The following FHAD1 variants were observed in gnomAD, a reference collection of about 807,000 sequenced individuals.
FHAD1 encodes forkhead associated phosphopeptide binding domain 1, also known as forkhead-associated domain-containing protein 1.
A neutral mutation model predicts 191.3 loss-of-function variants in FHAD1; 146 were observed. That is an observed-to-expected ratio of 0.76 (90% CI 0.67 to 0.88). FHAD1 has a LOEUF of 0.88. Among genes scored for constraint, FHAD1 ranks in the 40% least tolerant of loss-of-function variants. The probability of loss-of-function intolerance (pLI) is 0.00; values close to 1 mark genes in which losing one functional copy is unlikely to be tolerated. For synonymous variants in FHAD1, 616 were observed against 672.3 expected, an observed-to-expected ratio of 0.92 and a Z score of 1.29; for missense variants, 1,635 against 1,785.8, an observed-to-expected ratio of 0.92 and a Z score of 1.52.
chr1:15,361,815 G>A (rs1263802087), intron 22 of FHAD1, among the ~76,000 whole-genome samples: 1 of 151,946 alleles, frequency 6.6e-6, no homozygotes, highest in South Asian at 2.1e-4. Flanking sequence ...GACCATCCTG[G>A]CCAACATGGT....
chr1:15,344,102 A>G (rs1266451051), intron 16 of FHAD1, among the ~76,000 whole-genome samples: 1 of 152,228 alleles, frequency 6.6e-6, no homozygotes, highest in African/African-American at 2.4e-5. Flanking sequence ...GGTCCCTGCC[A>G]GACAGACTGT....
At chr1:15,343,239 G>A (rs372584706) in intron 16 of FHAD1, among the ~76,000 whole-genome samples, 32 of 152,224 alleles carry the variant, frequency 2.1e-4, no homozygotes, top group Middle Eastern at 6.8e-3. Context: ...TGGGGTGAGG[G>A]TGTGGCCCCT....
At chr1:15,359,146 G>C (rs935183323) in intron 21 of FHAD1, among the ~76,000 whole-genome samples, 1 of 152,106 alleles carries the variant, frequency 6.6e-6, no homozygotes, top group African/African-American at 2.4e-5. Flanking sequence ...ATGGTGGGGG[G>C]TTCTCTTGGA....
At chr1:15,351,953 A>G (rs2102475644) in intron 19 of FHAD1, among the ~76,000 whole-genome samples, 1 of 152,324 alleles carries the variant, frequency 6.6e-6, no homozygotes, top group South Asian at 2.1e-4. Context: ...CTCGAGTCTC[A>G]TACTGTCCCT....
At chr1:15,368,574 G>A (rs1034968883) in intron 25 of FHAD1, among the ~76,000 whole-genome samples, 1 of 152,186 alleles carries the variant, frequency 6.6e-6, no homozygotes, top group African/African-American at 2.4e-5. Context: ...GTAGCTTTGT[G>A]TGCCTCGTGG....
intron 10 of FHAD1, 145 bp from the exon 11 acceptor site, chr1:15,324,307 G>T (rs1374532469): frequency 3.0e-6 from 2 of 660,712 alleles, no homozygotes; most frequent in Non-Finnish European, 2.7e-6. Context: ...TCCACCCCGC[G>T]CACGCCTGTG....
At chr1:15,371,106 G>A (rs1214593126) in intron 26 of FHAD1, among the ~76,000 whole-genome samples, 2 of 152,204 alleles carry the variant, frequency 1.3e-5, no homozygotes, top group African/African-American at 4.8e-5. Context: ...AGCTCCGTGG[G>A]GCAGGGGGTG....
chr1:15,358,071 C>A, intron 20 of FHAD1, 39 bp from the exon 21 acceptor site: 1 of 1,420,072 alleles, frequency 7.0e-7, no homozygotes, highest in East Asian at 2.5e-5. Flanking sequence ...ATATGTATTC[C>A]TGAATGTCTG....
rs1227656002 is a variant in FHAD1 at position 15,328,336 on chromosome 1, G to A, written c.1617G>A (p.Trp539Ter). ...ACATCAATTTTCAGCAGAAAAAGTG[G>A]ACCCTCCAGAAAGAGACCCAGCTGA... ...EDNINFQQKK[W>*]TLQKETQLSN... Residue 539 changes from tryptophan to a stop codon, truncating the protein, a stop_gained, in exon 13 of 34, where the codon TGG becomes TGA. Transcript: ENST00000688493. LOFTEE classifies it high-confidence loss of function. 1 of 1,546,476 alleles carries A rather than the reference G, an allele frequency of 6.5e-7. No homozygotes were observed. Among genetic ancestry groups the A allele is most frequent in the Admixed American group, 2.0e-5 (1 of 50,208 alleles).
At chr1:15,275,248 C>T (rs1657879746) in intron 3 of FHAD1, among the ~76,000 whole-genome samples, 1 of 152,142 alleles carries the variant, frequency 6.6e-6, no homozygotes, top group Admixed American at 6.5e-5. Flanking sequence ...AGGCGTGAGC[C>T]ACCGCGCCTG....
Position 15,361,188 on chromosome 1 carries a change from C to G in FHAD1, c.2962+485C>G, listed in dbSNP as rs80208792. Among the ~76,000 whole-genome samples the G allele has an allele frequency of 3.9e-3, 588 of 152,270 alleles. 4 individuals are homozygous for G. The highest frequency in any genetic ancestry group is 0.013 in the African/African-American group (555 of 41,524). ...ATTTGCCCCAAATGGCCAAGGTAAG[C>G]TGTATTATTGTAAGCTCTTGAAGAA... On this transcript the variant is annotated intron_variant, in intron 22 of 33. Coordinates refer to ENST00000688493, the MANE Select transcript of FHAD1 (RefSeq NM_001391957.1).
rs376640150 is a variant in FHAD1, at chr1:15,296,725, G to A, written c.610G>A (p.Glu204Lys). ...AMKLSEKSVAEGIPGAVPPAE... is the reference protein window; with the variant it reads ...AMKLSEKSVAKGIPGAVPPAE... ...GAAACTGTCAGAAAAATCAGTGGCC[G>A]AGGGGATTCCTGGGGCAGTTCCCCC... is the stretch of plus-strand genomic sequence containing the variant. The change falls in exon 5 of 34, where the codon GAG becomes AAG. Residue 204 changes from glutamate (E) to lysine (K), a missense_variant. Glu to Lys is a moderately conservative substitution (Grantham distance 56, BLOSUM62 1). Transcript: ENST00000688493. 161 of 1,551,956 alleles carry A rather than the reference G, an allele frequency of 1.0e-4. No homozygotes were observed. The highest frequency in any genetic ancestry group is 1.3e-4 in the Non-Finnish European group (147 of 1,147,112).
Position 15,328,682 on chromosome 1 carries a change from A to G in FHAD1, c.1710+253A>G, listed in dbSNP as rs1232867104. 23 of 345,198 alleles carry G rather than the reference A, an allele frequency of 6.7e-5. 1 individual carries two copies. The Admixed American group carries it at 7.6e-4, about 11-fold the overall frequency. The allele number at this position is 345,198 out of a possible 1,614,324, so 21.4% of individuals were successfully genotyped here. A position where few individuals can be genotyped will look rare whatever the true frequency, so the allele number is the denominator to read the frequency against. ...CAATTACTGACTTTGAGCGGCCCGC[A>G]TCCCCAGCCAAAAAGAAATTGTTTT... is the stretch of plus-strand genomic sequence containing the variant. On this transcript the variant is annotated intron_variant, in intron 13 of 33. Coordinates refer to ENST00000688493, the MANE Select transcript of FHAD1 (RefSeq NM_001391957.1).
rs1672178964 is a variant in FHAD1, at chr1:15,311,239, G to A, written c.1040-1818G>A. Among the ~76,000 whole-genome samples the A allele has an allele frequency of 6.6e-6, 1 of 152,162 alleles. No individual in the cohort carries two copies. The highest frequency in any genetic ancestry group is 2.4e-5 in the African/African-American group (1 of 41,448). On this transcript the variant is annotated intron_variant, in intron 7 of 33. Coordinates refer to ENST00000688493, the MANE Select transcript of FHAD1 (RefSeq NM_001391957.1). The surrounding 1 kb of genome is among the most constrained non-coding windows in gnomAD (Gnocchi z 4.1). ...GTTTGCTGGGTGGCGTGCCAGGCGG[G>A]AGGGGGCTGCACGGAGAGCACCCCG...
intron 1 of FHAD1, among the ~76,000 whole-genome samples, chr1:15,249,252 C>T (rs565584861): frequency 6.6e-5 from 10 of 151,046 alleles, no homozygotes; most frequent in Non-Finnish European, 1.5e-4. Flanking sequence ...AGGTAGCTAC[C>T]GCAAGGCACC....
intron 3 of FHAD1, among the ~76,000 whole-genome samples, chr1:15,273,111 C>T (rs989728606): frequency 4.6e-5 from 7 of 152,146 alleles, no homozygotes; most frequent in Admixed American, 3.9e-4. Flanking sequence ...TACAGGTTCC[C>T]GGGGCCCCTC....
intron 2 of FHAD1, among the ~76,000 whole-genome samples, chr1:15,259,028 C>T (rs1352901362): frequency 1.3e-5 from 2 of 152,124 alleles, no homozygotes; most frequent in South Asian, 2.1e-4. Context: ...TTTGCTTTCC[C>T]AGCAACAGTG....
At chr1:15,240,325 A>T (rs1325323303) in intron 1 of FHAD1, among the ~76,000 whole-genome samples, 1 of 152,174 alleles carries the variant, frequency 6.6e-6, no homozygotes, top group South Asian at 2.1e-4. Context: ...ACCAATAACA[A>T]TGTGAGCTTG....
At chr1:15,328,048 G>A (rs11576391) in intron 12 of FHAD1, 17,511 of 161,846 alleles carry the variant, frequency 0.11, 1,678 homozygotes, top group African/African-American at 0.32. Context: ...AAAAAAAAAA[G>A]AAAAGAAAAA....
Sources: allele counts gnomAD v4.1 joint callset (sites outside exome capture counted in the v4.1 genomes callset), GRCh38; gene constraint gnomAD v4.1.1; non-coding constraint Gnocchi (gnomAD v3.1); transcripts MANE v1.5; gene names NCBI Gene and HGNC (gene_info 2026-07-23, HGNC 2026-07-21).